NF1: variants seen among roughly 807,000 people sequenced by gnomAD.
NF1 encodes the protein neurofibromin 1.
Under a neutral mutation model 325.7 loss-of-function variants are expected in NF1, and 122 were observed. That is an observed-to-expected ratio of 0.37 (90% CI 0.32 to 0.44). The LOEUF (loss-of-function observed/expected upper bound fraction) is 0.44. Among genes scored for constraint, NF1 ranks in the 20% least tolerant of loss-of-function variants. NF1 has a pLI of 1.00. For synonymous variants in NF1, 1,091 were observed against 1,186.0 expected, an observed-to-expected ratio of 0.92 and a Z score of 1.65; for missense variants, 2,140 against 3,415.4, an observed-to-expected ratio of 0.63 and a Z score of 9.31.
chr17:31,186,420 G>C (rs1396152305), intron 8 of NF1, among the ~76,000 whole-genome samples: 1 of 152,220 alleles, frequency 6.6e-6, no homozygotes, highest in Non-Finnish European at 1.5e-5. Context: ...AATCTTCCCA[G>C]TGGGCAGAAC....
chr17:31,098,200 A>T (rs1247608715), intron 1 of NF1, among the ~76,000 whole-genome samples: 1 of 151,290 alleles, frequency 6.6e-6, no homozygotes, highest in African/African-American at 2.4e-5. Flanking sequence ...ACGGTTGAAA[A>T]TGTCTTTTAG....
At chr17:31,196,303 A>G (rs760581879) in intron 8 of NF1, among the ~76,000 whole-genome samples, 10 of 151,858 alleles carry the variant, frequency 6.6e-5, no homozygotes, top group Non-Finnish European at 1.3e-4. Context: ...TTTTATTTAT[A>G]CTGTTATTTC....
At chr17:31,358,763 C>G (rs539555780) in intron 55 of NF1, 141 bp downstream of exon 55, 15 of 1,226,356 alleles carry the variant, frequency 1.2e-5, no homozygotes, top group Middle Eastern at 3.9e-4. Context: ...TTTACTCTCT[C>G]AACTGTATGT....
At chr17:31,259,567 T>C (rs2067648099) in intron 33 of NF1, among the ~76,000 whole-genome samples, 1 of 152,162 alleles carries the variant, frequency 6.6e-6, no homozygotes, top group Non-Finnish European at 1.5e-5. Context: ...TTAAACCAAG[T>C]CAAACAAACA....
At chr17:31,358,778 T>C in intron 55 of NF1, 156 bp downstream of exon 55, 1 of 1,138,574 alleles carries the variant, frequency 8.8e-7, no homozygotes, top group African/African-American at 1.6e-5. Flanking sequence ...GTATGTCCAA[T>C]GTAACTGGTT....
intron 2 of NF1, among the ~76,000 whole-genome samples, chr17:31,157,540 T>C (rs1481744876): frequency 6.6e-6 from 1 of 152,192 alleles, no homozygotes; most frequent in East Asian, 1.9e-4. Context: ...TGGGTACATA[T>C]TGATGTTTCA....
At chr17:31,195,313 C>G (rs1000595294) in intron 8 of NF1, among the ~76,000 whole-genome samples, 1 of 152,080 alleles carries the variant, frequency 6.6e-6, no homozygotes, top group African/African-American at 2.4e-5. Flanking sequence ...TAAAATAACT[C>G]ATTAATCACC....
intron 36 of NF1, among the ~76,000 whole-genome samples, chr17:31,268,452 C>T (rs905958427): frequency 1.3e-5 from 2 of 151,802 alleles, no homozygotes; most frequent in African/African-American, 4.8e-5. Context: ...CATGATGAAA[C>T]CCCATCTCTA....
At chr17:31,335,296 A>ATATAT (rs1440930498) in intron 40 of NF1, among the ~76,000 whole-genome samples, 1 of 50,060 alleles carries the variant, frequency 2.0e-5, no homozygotes, top group African/African-American at 1.4e-4. Flanking sequence ...ATATATATAT[A>ATATAT]ATTATGCCTT....
chr17:31,132,832 A>G (rs1175870872), intron 1 of NF1, among the ~76,000 whole-genome samples: 1 of 151,732 alleles, frequency 6.6e-6, no homozygotes. Flanking sequence ...ATGCCCGGCT[A>G]ATTTTTGTAT....
intron 57 of NF1, among the ~76,000 whole-genome samples, chr17:31,367,778 G>A (rs1014944227): frequency 6.6e-6 from 1 of 152,086 alleles, no homozygotes; most frequent in Non-Finnish European, 1.5e-5. Context: ...AAGGTGGGCG[G>A]ATCACTTGAG....
At chr17:31,124,187 T>C (rs1399779375) in intron 1 of NF1, among the ~76,000 whole-genome samples, 2 of 152,190 alleles carry the variant, frequency 1.3e-5, no homozygotes, top group Non-Finnish European at 2.9e-5. Context: ...AAAAATGTTC[T>C]TGTAAATATT....
rs1216729989 is a variant in NF1, at chr17:31,259,772, T to A, written c.4431-597T>A. Among the ~76,000 whole-genome samples, 14 of 152,244 alleles carry A rather than the reference T, an allele frequency of 9.2e-5. No individual in the cohort carries two copies. The South Asian group carries it at 2.5e-3, about 27-fold the overall frequency. ...TAAGAAAGCGCTTTGTAAATTTATG[T>A]CTGGAATTCTGCTTTTCATGCAGTG... On this transcript the variant is annotated intron_variant, in intron 33 of 57. Transcript: ENST00000358273.
rs77172092 is a variant in NF1, at chr17:31,317,844, A to G, written c.4836-7976A>G. The stretch of plus-strand genomic sequence containing the variant: ...TGCCACATCCAGCAAGGAAGATACC[A>G]TTAAATTACACAGTTTAGCTCTCTC... On this transcript the variant is annotated intron_variant, in intron 36 of 57. Transcript: ENST00000358273. 364 of 154,206 alleles carry G rather than the reference A, an allele frequency of 2.4e-3. 6 individuals are homozygous for G. In the East Asian group the frequency reaches 0.052, roughly 22 times the overall value. 9.6% of individuals were successfully genotyped at this position (154,206 alleles called of 1,614,324 possible).
At chr17:31,172,501 T>C (rs1192042432) in intron 5 of NF1, among the ~76,000 whole-genome samples, 3 of 152,210 alleles carry the variant, frequency 2.0e-5, no homozygotes, top group African/African-American at 4.8e-5. Context: ...ACATTTGTTA[T>C]ATTTTCAGTC....
intron 36 of NF1, chr17:31,307,821 C>G (rs1014808714): frequency 9.1e-7 from 1 of 1,100,734 alleles, no homozygotes; most frequent in African/African-American, 1.6e-5. Flanking sequence ...TCTTCTGACT[C>G]ATAAGCCTAT....
At chr17:31,201,514 T>TA in intron 11 of NF1, 29 bp downstream of exon 11, 2 of 1,547,696 alleles carry the variant, frequency 1.3e-6, no homozygotes, top group Non-Finnish European at 1.8e-6. Flanking sequence ...GCTAAATTAC[T>TA]AAAAAAATTT....
intron 30 of NF1, chr17:31,252,075 G>A (rs1041971252): frequency 1.4e-5 from 3 of 207,856 alleles, no homozygotes; most frequent in African/African-American, 6.9e-5. Flanking sequence ...AGCTCTGAGA[G>A]ATGAAACCAA....
chr17:31,251,144 C>A (rs2067486666), intron 30 of NF1: 1 of 199,194 alleles, frequency 5.0e-6, no homozygotes, highest in East Asian at 7.8e-5. Flanking sequence ...TAGTTTATTT[C>A]TTTTGGTTTG....
Sources: allele counts gnomAD v4.1 joint callset (sites outside exome capture counted in the v4.1 genomes callset), GRCh38; gene constraint gnomAD v4.1.1; transcripts MANE v1.5; gene names NCBI Gene and HGNC (gene_info 2026-07-23, HGNC 2026-07-21).